CDH7: variants seen among roughly 807,000 people sequenced by gnomAD.
The protein encoded by CDH7 is cadherin 7, also known as cadherin-7.
In CDH7, 25 loss-of-function variants were observed where a neutral mutation model predicts 71.8. The ratio of observed to expected loss-of-function variants is 0.35; its 90% confidence interval spans 0.25 to 0.49. CDH7 has a LOEUF of 0.49. Ranked by LOEUF, CDH7 falls within the 20% of genes least tolerant of loss-of-function variation. The probability of loss-of-function intolerance (pLI) is 0.99; values close to 1 mark genes in which losing one functional copy is unlikely to be tolerated. For missense variants in CDH7, 862 were observed against 974.6 expected (o/e 0.88, Z 1.54); for synonymous variants, 381 against 363.8 (o/e 1.05, Z -0.54).
At chr18:65,876,157 G>A (rs1382441786) in intron 11 of CDH7, among the ~76,000 whole-genome samples, 1 of 152,098 alleles carries the variant, frequency 6.6e-6, no homozygotes, top group African/African-American at 2.4e-5. Context: ...AACAGTGTTG[G>A]AACTGCTTAT....
rs542035386 is a variant in CDH7 at position 65,775,911 on chromosome 18, C to T, written c.210+12859C>T. ...GACTGTTATGCCAGGTATCCCTCCT[C>T]CTCAAAGTTGGAGTCAGCTTTGAAT... On this transcript the variant is annotated intron_variant, in intron 2 of 11. Coordinates refer to ENST00000397968, the MANE Select transcript of CDH7 (RefSeq NM_004361.5). Among the ~76,000 whole-genome samples, 10 of 152,282 alleles carry T rather than the reference C, an allele frequency of 6.6e-5. 1 individual carries two copies. In the South Asian group the frequency reaches 2.1e-3, roughly 32 times the overall value.
chr18:65,867,227 G>C (rs1174345326), intron 11 of CDH7, among the ~76,000 whole-genome samples: 1 of 151,890 alleles, frequency 6.6e-6, no homozygotes, highest in Non-Finnish European at 1.5e-5. Context: ...ATTAGAGATG[G>C]GGTTTCACTG....
chr18:65,771,764 CAGGCCAAGAGCCTGAGAATT>C (rs1463113329), intron 2 of CDH7, among the ~76,000 whole-genome samples: 1 of 151,900 alleles, frequency 6.6e-6, no homozygotes, highest in Non-Finnish European at 1.5e-5. Context: ...CTGTAGTTCT[CAGGCCAAGAGCCTGAGAATT>C]ACCTTCTGTC....
intron 3 of CDH7, among the ~76,000 whole-genome samples, chr18:65,813,716 T>C (rs1274430124): frequency 2.6e-5 from 4 of 151,998 alleles, no homozygotes; most frequent in Non-Finnish European, 5.9e-5. Context: ...ATTTTAAAGA[T>C]TACATTCCAA....
In CDH7 at chr18:65,762,733, C is replaced by T; in HGVS notation, c.-110C>T. ...CACTCTACAGATTATTATCTCTGGACTCCCAGCTGACACCCTGCCGGAGGC... is the reference window on the plus strand; with the variant it reads ...CACTCTACAGATTATTATCTCTGGATTCCCAGCTGACACCCTGCCGGAGGC... On this transcript the variant is annotated 5_prime_UTR_variant, in exon 2 of 12. Coordinates refer to ENST00000397968, the MANE Select transcript of CDH7 (RefSeq NM_004361.5). The T allele has an allele frequency of 1.3e-6, 1 of 787,360 alleles. No homozygotes were observed. Among genetic ancestry groups the T allele is most frequent in the East Asian group, 2.7e-5 (1 of 37,506 alleles). The allele number at this position is 787,360 out of a possible 1,614,324, so 48.8% of individuals were successfully genotyped here.
At chr18:65,772,635 C>T (rs1916580260) in intron 2 of CDH7, among the ~76,000 whole-genome samples, 10 of 152,052 alleles carry the variant, frequency 6.6e-5, no homozygotes, top group Admixed American at 6.6e-4. Flanking sequence ...TATAATGAAA[C>T]ATAGAGTCTG....
At chr18:65,781,814 CCTTCCT>C (rs1910223226) in intron 2 of CDH7, among the ~76,000 whole-genome samples, 2 of 86,980 alleles carry the variant, frequency 2.3e-5, no homozygotes, top group African/African-American at 1.3e-4. Context: ...TTCCTTCCTT[CCTTCCT>C]TCTTTCTTTC....
intron 2 of CDH7, among the ~76,000 whole-genome samples, chr18:65,808,237 A>T (rs1429233992): frequency 6.6e-6 from 1 of 152,222 alleles, no homozygotes; most frequent in Non-Finnish European, 1.5e-5. Context: ...AAAGAATGTT[A>T]AGCATAGTGA....
chr18:65,844,739 T>A (rs1165891667), intron 7 of CDH7, among the ~76,000 whole-genome samples: 2 of 152,104 alleles, frequency 1.3e-5, no homozygotes, highest in Non-Finnish European at 2.9e-5. Flanking sequence ...TTTTTGTGTG[T>A]ATGCATGTGT....
In CDH7 at chr18:65,889,018, C is replaced by A. The variant is rs181570639; in HGVS notation, c.*8124C>A. 1 of 152,188 alleles carries A rather than the reference C, an allele frequency of 6.6e-6. No homozygotes were observed. The highest frequency in any genetic ancestry group is 2.4e-5 in the African/African-American group (1 of 41,546). The allele number at this position is 152,188 out of a possible 1,614,324, so 9.4% of individuals were successfully genotyped here. A position where few individuals can be genotyped will look rare whatever the true frequency, so the allele number is the denominator to read the frequency against. On this transcript the variant is annotated 3_prime_UTR_variant, in exon 12 of 12. Coordinates refer to ENST00000397968, the MANE Select transcript of CDH7 (RefSeq NM_004361.5). ...TTTAATCAGGAAGTGACATTAAATT[C>A]TGTTTCAATGTAATGAGAAAATAGA...
At chr18:65,793,741 A>C (rs760402719) in intron 2 of CDH7, among the ~76,000 whole-genome samples, 1 of 152,162 alleles carries the variant, frequency 6.6e-6, no homozygotes, top group Non-Finnish European at 1.5e-5. Flanking sequence ...TGAAGAAAAC[A>C]CATGCAGTAG....
At chr18:65,800,579 C>G (rs1381735324) in intron 2 of CDH7, among the ~76,000 whole-genome samples, 2 of 152,156 alleles carry the variant, frequency 1.3e-5, no homozygotes, top group Non-Finnish European at 2.9e-5. Context: ...TTTTAACCAA[C>G]ATCCCACTTG....
intron 2 of CDH7, among the ~76,000 whole-genome samples, chr18:65,778,548 T>TTTTTTTTTTTTTTTTG: frequency 6.8e-6 from 1 of 148,040 alleles, no homozygotes; most frequent in Non-Finnish European, 1.5e-5. Flanking sequence ...TTTTTTTTTT[T>TTTTTTTTTTTTTTTTG]TACATAAAAA....
At chr18:65,832,462 T>C (rs1912385364) in intron 6 of CDH7, among the ~76,000 whole-genome samples, 1 of 152,044 alleles carries the variant, frequency 6.6e-6, no homozygotes, top group Non-Finnish European at 1.5e-5. Context: ...TGACAAAATA[T>C]GCAGAATCCA....
intron 2 of CDH7, among the ~76,000 whole-genome samples, chr18:65,767,616 G>T (rs1156970396): frequency 6.6e-6 from 1 of 152,140 alleles, no homozygotes; most frequent in African/African-American, 2.4e-5. Context: ...TTCTAGGAAT[G>T]AGTAGAAACC....
chr18:65,758,599 A>G (rs879754985), intron 1 of CDH7, among the ~76,000 whole-genome samples: 2 of 152,244 alleles, frequency 1.3e-5, no homozygotes, highest in African/African-American at 2.4e-5. Context: ...CTGATAATAT[A>G]CACAATGCCA....
intron 1 of CDH7, among the ~76,000 whole-genome samples, chr18:65,751,606 T>C (rs1484101094): frequency 6.6e-6 from 1 of 152,202 alleles, no homozygotes; most frequent in Admixed American, 6.5e-5. Context: ...TGCGCCGCTT[T>C]GGGCAGGAGT....
intron 10 of CDH7, 100 bp downstream of exon 10, chr18:65,859,925 C>G: frequency 1.4e-6 from 1 of 710,292 alleles, no homozygotes; most frequent in South Asian, 1.6e-5. Flanking sequence ...TTTTTTAAAG[C>G]AAGGACAATA....
chr18:65,775,823 A>G (rs1909921684), intron 2 of CDH7, among the ~76,000 whole-genome samples: 1 of 152,198 alleles, frequency 6.6e-6, no homozygotes, highest in Non-Finnish European at 1.5e-5. Context: ...CACATTGGCC[A>G]CTTGGTGACA....
Sources: allele counts gnomAD v4.1 joint callset (sites outside exome capture counted in the v4.1 genomes callset), GRCh38; gene constraint gnomAD v4.1.1; transcripts MANE v1.5; gene names NCBI Gene and HGNC (gene_info 2026-07-23, HGNC 2026-07-21).